Variants in KLF12 observed in about 807,000 individuals in gnomAD.
KLF12 encodes Krueppel-like factor 12.
In KLF12, 9 loss-of-function variants were observed where a neutral mutation model predicts 37.8. The ratio of observed to expected loss-of-function variants is 0.24; its 90% confidence interval spans 0.14 to 0.42. The LOEUF (loss-of-function observed/expected upper bound fraction) is 0.42, where lower values mean the gene tolerates loss of function less well. Among genes scored for constraint, KLF12 ranks in the 10% least tolerant of loss-of-function variants. The probability of loss-of-function intolerance (pLI) is 1.00; values close to 1 mark genes in which losing one functional copy is unlikely to be tolerated. For missense variants in KLF12, 411 were observed against 516.0 expected (o/e 0.80, Z 1.97); for synonymous variants, 208 against 202.1 (o/e 1.03, Z -0.25).
intron 2 of KLF12, among the ~76,000 whole-genome samples, 161 bp downstream of exon 2, chr13:73,994,829 C>T (rs1485846761): frequency 6.6e-6 from 1 of 151,924 alleles, no homozygotes; most frequent in Non-Finnish European, 1.5e-5. Context: ...TTTTAAGGGG[C>T]TAAAAGGAAA....
chr13:74,142,268 T>C, the KLF12 span, among the ~76,000 whole-genome samples: 1 of 152,220 alleles, frequency 6.6e-6, no homozygotes, highest in Non-Finnish European at 1.5e-5. Context: ...GACATTAATT[T>C]TTAAAAGTTG....
intron 1 of KLF12, among the ~76,000 whole-genome samples, chr13:74,061,728 GTC>G (rs1873602579): frequency 6.6e-6 from 1 of 152,146 alleles, no homozygotes; most frequent in Non-Finnish European, 1.5e-5. Context: ...CTGAGCAAAA[GTC>G]TTTAATTTGA....
At chr13:74,212,789 G>A in the KLF12 span, among the ~76,000 whole-genome samples, 1 of 152,080 alleles carries the variant, frequency 6.6e-6, no homozygotes, top group South Asian at 2.1e-4. Flanking sequence ...ATTTTACTCA[G>A]GATCAATTCT....
intron 7 of KLF12, among the ~76,000 whole-genome samples, chr13:73,709,771 G>A (rs1875220896): frequency 6.6e-6 from 1 of 152,194 alleles, no homozygotes; most frequent in African/African-American, 2.4e-5. Flanking sequence ...GTGAGGCAGA[G>A]AAATGTGAGC....
chr13:73,722,326 A>C (rs952462270), intron 6 of KLF12, among the ~76,000 whole-genome samples: 3 of 152,206 alleles, frequency 2.0e-5, no homozygotes, highest in Non-Finnish European at 4.4e-5. Flanking sequence ...AACAAGCCAG[A>C]TATCTGCATT....
intron 3 of KLF12, among the ~76,000 whole-genome samples, chr13:73,852,871 GTTTTTT>G (rs35471651): frequency 1.5e-5 from 2 of 137,192 alleles, no homozygotes; most frequent in African/African-American, 2.7e-5. Context: ...TTACATTTAT[GTTTTTT>G]TTTTTTTTTT....
chr13:73,734,782 A>G lies in KLF12; in HGVS notation c.870-19257T>C, dbSNP rs1877328449. 2.0e-5 allele frequency among the ~76,000 whole-genome samples: 3 copies of G among 152,312 alleles called. No homozygotes were observed. In the South Asian group the frequency reaches 6.2e-4, roughly 32 times the overall value. On this transcript the variant is annotated intron_variant, in intron 6 of 7. Transcript: ENST00000377669. ...CATTATGTCTGATTTTCACAAAATT[A>G]TATCGAGTGTTTTCATTTTGCAGAT...
chr13:74,190,885 T>A, the KLF12 span, among the ~76,000 whole-genome samples: 1 of 152,216 alleles, frequency 6.6e-6, no homozygotes, highest in Non-Finnish European at 1.5e-5. Context: ...AGACAGTGTC[T>A]GAGCTTTGTG....
chr13:73,931,713 T>C (rs1209507416), intron 3 of KLF12, among the ~76,000 whole-genome samples: 2 of 152,186 alleles, frequency 1.3e-5, no homozygotes, highest in African/African-American at 4.8e-5. Context: ...TTCATGAGTA[T>C]AATGCTGATT....
At chr13:73,729,558 CTT>C (rs1262240181) in intron 6 of KLF12, among the ~76,000 whole-genome samples, 1 of 152,168 alleles carries the variant, frequency 6.6e-6, no homozygotes, top group Non-Finnish European at 1.5e-5. Context: ...TCTGAGAGCT[CTT>C]GTCTCTACTC....
intron 3 of KLF12, among the ~76,000 whole-genome samples, chr13:73,874,303 A>G (rs1886603477): frequency 6.6e-6 from 1 of 152,228 alleles, no homozygotes; most frequent in African/African-American, 2.4e-5. Flanking sequence ...CAGAAGAGAA[A>G]GCTGGGCTGA....
chr13:73,897,480 G>A (rs1887841154), intron 3 of KLF12, among the ~76,000 whole-genome samples: 1 of 152,114 alleles, frequency 6.6e-6, no homozygotes, highest in South Asian at 2.1e-4. Context: ...TATTCCTCCA[G>A]GGCTCTCTAT....
At chr13:73,888,810 A>G (rs1320777343) in intron 3 of KLF12, among the ~76,000 whole-genome samples, 2 of 152,204 alleles carry the variant, frequency 1.3e-5, no homozygotes, top group African/African-American at 4.8e-5. Context: ...TCTTTGCTCT[A>G]TCTGCCGTGC....
chr13:73,923,807 T>C (rs1462071514), intron 3 of KLF12, among the ~76,000 whole-genome samples: 2 of 152,160 alleles, frequency 1.3e-5, no homozygotes, highest in Admixed American at 6.5e-5. Context: ...CCAGGATATT[T>C]TACAGTCATA....
intron 1 of KLF12, among the ~76,000 whole-genome samples, chr13:74,122,517 C>T (rs550613407): frequency 1.3e-4 from 20 of 152,090 alleles, no homozygotes; most frequent in African/African-American, 4.8e-4. Context: ...AAAATTGATA[C>T]ATCTTGAATG....
At chr13:74,250,620 C>A in the KLF12 span, among the ~76,000 whole-genome samples, 1 of 152,042 alleles carries the variant, frequency 6.6e-6, no homozygotes, top group Non-Finnish European at 1.5e-5. Context: ...GTAAGAGAGT[C>A]CAGCAATTCT....
chr13:73,744,752 T>C (rs561209138), intron 6 of KLF12, among the ~76,000 whole-genome samples: 3 of 152,244 alleles, frequency 2.0e-5, no homozygotes, highest in East Asian at 1.9e-4. Context: ...TTGCCAAACC[T>C]GCATCAGGAC....
intron 1 of KLF12, among the ~76,000 whole-genome samples, chr13:74,084,632 T>C (rs1875147570): frequency 6.6e-6 from 1 of 152,210 alleles, no homozygotes; most frequent in African/African-American, 2.4e-5. Context: ...ATTACACATA[T>C]TATTCTTAGC....
At chr13:74,057,012 C>G (rs1168072976) in intron 1 of KLF12, among the ~76,000 whole-genome samples, 1 of 152,172 alleles carries the variant, frequency 6.6e-6, no homozygotes. Flanking sequence ...CTGTGTAACT[C>G]AGACTCAACA....
Sources: allele counts gnomAD v4.1 joint callset (sites outside exome capture counted in the v4.1 genomes callset), GRCh38; gene constraint gnomAD v4.1.1; transcripts MANE v1.5; gene names NCBI Gene and HGNC (gene_info 2026-07-23, HGNC 2026-07-21).